The following SGCZ variants were observed in gnomAD, a reference collection of about 807,000 sequenced individuals.
The protein encoded by SGCZ is zeta-sarcoglycan.
A neutral mutation model predicts 41.3 loss-of-function variants in SGCZ; 40 were observed. The observed-to-expected ratio is 0.97, with a 90% CI of 0.75 to 1.26. The LOEUF (loss-of-function observed/expected upper bound fraction) is 1.26. Ranked by LOEUF, SGCZ falls within the 50% of genes most tolerant of loss-of-function variation. SGCZ has a pLI of 0.00. For synonymous variants in SGCZ, 206 were observed against 137.5 expected, an observed-to-expected ratio of 1.50 and a Z score of -3.49; for missense variants, 552 against 369.8, an observed-to-expected ratio of 1.49 and a Z score of -4.04.
chr8:15,065,931 A>T (rs984442188), intron 1 of SGCZ, among the ~76,000 whole-genome samples: 1 of 152,202 alleles, frequency 6.6e-6, no homozygotes, highest in Non-Finnish European at 1.5e-5. Context: ...GAAATATGTG[A>T]AATTTCACGT....
intron 2 of SGCZ, among the ~76,000 whole-genome samples, chr8:14,477,540 AAC>A (rs1801395956): frequency 6.6e-6 from 1 of 152,156 alleles, no homozygotes; most frequent in East Asian, 1.9e-4. Flanking sequence ...AAGTAGCCTT[AAC>A]ACTATTTTAT....
At chr8:14,980,431 G>T (rs943890016) in intron 1 of SGCZ, among the ~76,000 whole-genome samples, 1 of 152,122 alleles carries the variant, frequency 6.6e-6, no homozygotes, top group Non-Finnish European at 1.5e-5. Flanking sequence ...TGTCTTCATT[G>T]ATATAGAAAT....
rs150939095 is a variant in SGCZ at position 15,107,922 on chromosome 8, C to T, written c.39+129663G>A. Among the ~76,000 whole-genome samples the T allele has an allele frequency of 6.2e-3, 942 of 152,214 alleles. 6 individuals carry two copies. Among genetic ancestry groups the T allele is most frequent in the East Asian group, 0.04 (208 of 5,174 alleles). On this transcript the variant is annotated intron_variant, in intron 1 of 7. Coordinates refer to ENST00000382080, the MANE Select transcript of SGCZ (RefSeq NM_139167.4). ...CAGGTTTCATATTTATTTGAATAGGCTTGAACAAATCATTATAAGTTTGTA... is the reference window on the plus strand; with the variant it reads ...CAGGTTTCATATTTATTTGAATAGGTTTGAACAAATCATTATAAGTTTGTA...
At chr8:14,394,050 A>G (rs1016324072) in intron 2 of SGCZ, among the ~76,000 whole-genome samples, 1 of 152,146 alleles carries the variant, frequency 6.6e-6, no homozygotes, top group African/African-American at 2.4e-5. Flanking sequence ...GTTTTATTTA[A>G]AACATTTTAT....
intron 2 of SGCZ, among the ~76,000 whole-genome samples, chr8:14,453,780 C>T (rs1800665158): frequency 6.6e-6 from 1 of 152,194 alleles, no homozygotes; most frequent in African/African-American, 2.4e-5. Context: ...ATTCAAAAAT[C>T]TACTTTGCAA....
intron 1 of SGCZ, among the ~76,000 whole-genome samples, chr8:15,163,152 T>C (rs2117045328): frequency 1.3e-5 from 2 of 152,332 alleles, no homozygotes; most frequent in South Asian, 4.1e-4. Context: ...CTTGGGGTCA[T>C]CTTTGCAAAG....
chr8:14,592,592 T>C (rs932324792), intron 1 of SGCZ, among the ~76,000 whole-genome samples: 5 of 136,004 alleles, frequency 3.7e-5, no homozygotes, highest in Non-Finnish European at 8.2e-5. Context: ...ACTTTCCTTA[T>C]TCAAAAAAAA....
chr8:14,547,488 G>T lies in SGCZ; in HGVS notation c.234+7244C>A, dbSNP rs1280463969. On this transcript the variant is annotated intron_variant, in intron 2 of 7. Transcript: ENST00000382080. ...GAATCTTTTTTATGCCTTCATCAAG[G>T]ACATAAGACATTTTTCCTGGCAAAA... 2.0e-5 allele frequency among the ~76,000 whole-genome samples: 3 copies of T among 152,154 alleles called. No homozygotes were observed. The East Asian group carries it at 5.8e-4, about 29-fold the overall frequency.
At chr8:14,899,139 A>G (rs17120496) in intron 1 of SGCZ, among the ~76,000 whole-genome samples, 1,664 of 152,192 alleles carry the variant, frequency 0.011, 25 homozygotes, top group African/African-American at 0.038. Flanking sequence ...ATCATAGTTT[A>G]TCAAGACCCT....
At chr8:14,505,308 G>A (rs138013907) in intron 2 of SGCZ, among the ~76,000 whole-genome samples, 3 of 151,766 alleles carry the variant, frequency 2.0e-5, no homozygotes, top group Non-Finnish European at 3.0e-5. Flanking sequence ...CTGGTATGAT[G>A]CAAGTGTAAG....
At position 15,022,724 on chromosome 8, in the gene SGCZ, CA is replaced by C. The variant is rs529213401; in HGVS notation, c.39+214860del. Among the ~76,000 whole-genome samples the C allele has an allele frequency of 1.8e-4, 27 of 152,222 alleles. No homozygotes were observed. The South Asian group carries it at 5.0e-3, about 28-fold the overall frequency. ...TGCTAGCAATGCAATTCTATAGAGA[CA>C]AAACATGGCAATAGTAATAACTATT... is the stretch of plus-strand genomic sequence containing the variant. On this transcript the variant is annotated intron_variant, in intron 1 of 7. Coordinates refer to ENST00000382080, the MANE Select transcript of SGCZ (RefSeq NM_139167.4).
At chr8:14,217,316 A>C (rs1806033129) in intron 4 of SGCZ, among the ~76,000 whole-genome samples, 2 of 133,302 alleles carry the variant, frequency 1.5e-5, no homozygotes, top group African/African-American at 5.2e-5. Flanking sequence ...AAAAAAAAAA[A>C]AGCTCTATAG....
Position 14,108,230 on chromosome 8 carries a change from C to T in SGCZ, c.553G>A (p.Glu185Lys). 6.2e-7 allele frequency: 1 copy of T among 1,614,110 alleles called. No individual in the cohort carries two copies. The highest frequency in any genetic ancestry group is 1.6e-4 in the Middle Eastern group (1 of 6,062). ...GAEKLKVTGT[E>K]GAVFGHSVET... ...ACAGAGTGCCCAAATACGGCTCCTT[C>T]AGTGCCTGGGGGTAGCATGAATATA... Residue 185 changes from glutamate (E) to lysine (K), a missense_variant, in exon 6 of 8, where the codon GAA becomes AAA. Coordinates refer to ENST00000382080, the MANE Select transcript of SGCZ (RefSeq NM_139167.4).
At chr8:14,763,284 A>T (rs1271280793) in intron 1 of SGCZ, among the ~76,000 whole-genome samples, 1 of 152,096 alleles carries the variant, frequency 6.6e-6, no homozygotes, top group African/African-American at 2.4e-5. Flanking sequence ...CACACTTTAC[A>T]CCAAAAAGCA....
At chr8:14,670,590 A>G (rs1181375183) in intron 1 of SGCZ, among the ~76,000 whole-genome samples, 1 of 152,180 alleles carries the variant, frequency 6.6e-6, no homozygotes, top group Non-Finnish European at 1.5e-5. Context: ...TAATCTACAA[A>G]ATGTTCTTAC....
At chr8:15,030,577 A>T (rs1285995025) in intron 1 of SGCZ, among the ~76,000 whole-genome samples, 1 of 152,140 alleles carries the variant, frequency 6.6e-6, no homozygotes, top group Non-Finnish European at 1.5e-5. Flanking sequence ...AAAATGTTCT[A>T]TGTGATCTGA....
intron 3 of SGCZ, among the ~76,000 whole-genome samples, chr8:14,251,328 C>T (rs574622904): frequency 2.0e-5 from 3 of 152,296 alleles, no homozygotes; most frequent in South Asian, 2.1e-4. Context: ...ATCAAAATGG[C>T]TTCATTCAGA....
At chr8:14,579,112 C>A (rs1052383934) in intron 1 of SGCZ, among the ~76,000 whole-genome samples, 2 of 152,026 alleles carry the variant, frequency 1.3e-5, no homozygotes, top group Non-Finnish European at 2.9e-5. Context: ...TCTTTCCCAG[C>A]AACAGAAAGA....
intron 7 of SGCZ, among the ~76,000 whole-genome samples, chr8:14,100,347 TATTAATA>T (rs1801975828): frequency 6.6e-6 from 1 of 151,090 alleles, no homozygotes; most frequent in Admixed American, 6.6e-5. Context: ...GCAAAATAGA[TATTAATA>T]ATAATCAATA....
Sources: gnomAD v4.1 joint callset for allele counts (sites outside exome capture counted in the v4.1 genomes callset) on GRCh38, gnomAD v4.1.1 for gene constraint, MANE v1.5 for transcripts, NCBI Gene and HGNC (gene_info 2026-07-23, HGNC 2026-07-21) for gene names.